The following RDX variants were observed in gnomAD, a reference collection of about 807,000 sequenced individuals.
RDX encodes radixin, also known as deafness, autosomal recessive 24.
A neutral mutation model predicts 83.7 loss-of-function variants in RDX; 32 were observed. The ratio of observed to expected loss-of-function variants is 0.38; its 90% confidence interval spans 0.29 to 0.51. RDX has a LOEUF of 0.51. Ranked by LOEUF, RDX falls within the 20% of genes least tolerant of loss-of-function variation. The pLI is 0.87. For missense variants in RDX, 600 were observed against 689.9 expected, an observed-to-expected ratio of 0.87 and a Z score of 1.46; for synonymous variants, 229 against 222.7, an observed-to-expected ratio of 1.03 and a Z score of -0.25.
intron 14 of RDX, among the ~76,000 whole-genome samples, chr11:110,205,209 T>C (rs563856180): frequency 1.3e-5 from 2 of 152,100 alleles, no homozygotes; most frequent in South Asian, 4.2e-4. Flanking sequence ...TAAAATTGGA[T>C]CCATACTTCA....
chr11:110,247,334 T>C (rs550201578), intron 10 of RDX, among the ~76,000 whole-genome samples: 386 of 152,332 alleles, frequency 2.5e-3, no homozygotes, highest in African/African-American at 9.0e-3. Flanking sequence ...GCCTTACTTA[T>C]ACAGCCATAA....
At chr11:110,258,487 CT>C (rs948665386) in intron 5 of RDX, among the ~76,000 whole-genome samples, 1 of 151,890 alleles carries the variant, frequency 6.6e-6, no homozygotes, top group Non-Finnish European at 1.5e-5. Flanking sequence ...CCAGGGATCT[CT>C]TTTTTTTACA....
chr11:110,296,562 T>TG lies in RDX; in HGVS notation c.-161dup, dbSNP rs1861477115. 6.6e-6 allele frequency: 1 copy of TG among 151,136 alleles called. No homozygotes were observed. The allele number at this position is 151,136 out of a possible 1,614,324, so 9.4% of individuals were successfully genotyped here. ...GAGGGAGAAGCGGTGGTGCGAGCGCTGGCCCGCGGGAGACGAGAGGCGCCG... is the reference window on the plus strand; with the variant it reads ...GAGGGAGAAGCGGTGGTGCGAGCGCTGGGCCCGCGGGAGACGAGAGGCGCCG... On this transcript the variant is annotated 5_prime_UTR_variant, in exon 1 of 14. Transcript: ENST00000645495.
In RDX at chr11:110,279,389, G is replaced by A. The variant is rs370615042; in HGVS notation, c.12+292C>T. The stretch of plus-strand genomic sequence containing the variant: ...AGAAATACAAAAATTAGCCGGGCAT[G>A]ATGGCAGGTGCCTGTAATCCCAGCT... On this transcript the variant is annotated intron_variant, in intron 2 of 13. Transcript: ENST00000645495. Among the ~76,000 whole-genome samples the A allele has an allele frequency of 9.2e-5, 14 of 152,300 alleles. No individual in the cohort carries two copies. The East Asian group carries it at 2.7e-3, about 29-fold the overall frequency.
intron 15 of RDX, among the ~76,000 whole-genome samples, chr11:110,199,116 G>C (rs4753879): frequency 0.39 from 59,003 of 151,836 alleles, 11,701 homozygotes; most frequent in East Asian, 0.6. Flanking sequence ...CACCAGGCCT[G>C]AATATGGATT....
At chr11:110,237,453 T>A in intron 11 of RDX, 39 bp downstream of exon 11, 1 of 1,604,504 alleles carries the variant, frequency 6.2e-7, no homozygotes, top group Non-Finnish European at 8.5e-7. Context: ...ACTCTATGCT[T>A]TTATTTAAAC....
chr11:110,216,567 G>A (rs1864062617), intron 14 of RDX, among the ~76,000 whole-genome samples: 1 of 148,364 alleles, frequency 6.7e-6, no homozygotes, highest in Admixed American at 6.8e-5. Flanking sequence ...AAATAGAGAG[G>A]AGGTCTCACT....
At chr11:110,221,675 A>G (rs1864256585) in intron 14 of RDX, among the ~76,000 whole-genome samples, 1 of 151,738 alleles carries the variant, frequency 6.6e-6, no homozygotes, top group Admixed American at 6.6e-5. Flanking sequence ...CACAAGAACA[A>G]TATCTAAAAC....
At chr11:110,267,515 AACACAC>A (rs71053877) in intron 3 of RDX, among the ~76,000 whole-genome samples, 5,672 of 131,410 alleles carry the variant, frequency 0.043, 141 homozygotes, top group African/African-American at 0.069. Context: ...TCCGTCTCAA[AACACAC>A]ACACACACAC....
chr11:110,237,430 T>G, intron 11 of RDX, 62 bp downstream of exon 11: 1 of 1,520,562 alleles, frequency 6.6e-7, no homozygotes, highest in Admixed American at 1.9e-5. Context: ...TTTTTTTCTT[T>G]TTTAGAGGGT....
At chr11:110,244,261 C>T (rs1033298626) in intron 10 of RDX, among the ~76,000 whole-genome samples, 3 of 147,208 alleles carry the variant, frequency 2.0e-5, no homozygotes, top group African/African-American at 7.5e-5. Context: ...ACTCAGGAGG[C>T]TGAGACAGAA....
chr11:110,238,127 CT>C (rs1864937559), intron 10 of RDX, among the ~76,000 whole-genome samples: 1 of 152,150 alleles, frequency 6.6e-6, no homozygotes, highest in African/African-American at 2.4e-5. Context: ...TAAGGTTTTA[CT>C]TATCTAAACT....
chr11:110,292,901 T>C (rs908305129), intron 1 of RDX, among the ~76,000 whole-genome samples: 1 of 152,198 alleles, frequency 6.6e-6, no homozygotes, highest in Admixed American at 6.5e-5. Flanking sequence ...ATTATAAACC[T>C]CCTTTTTTAA....
At chr11:110,176,817 G>A (rs967335217) in intron 15 of RDX, among the ~76,000 whole-genome samples, 1 of 152,120 alleles carries the variant, frequency 6.6e-6, no homozygotes, top group Admixed American at 6.5e-5. Flanking sequence ...GAAGGTGGTG[G>A]GTGCGTCCCC....
chr11:110,222,466 G>T (rs1383217355), intron 14 of RDX, among the ~76,000 whole-genome samples: 1 of 152,148 alleles, frequency 6.6e-6, no homozygotes, highest in African/African-American at 2.4e-5. Context: ...TTTACAAAAT[G>T]GAAGTATTAT....
chr11:110,214,234 G>GA (rs1166891980), intron 14 of RDX, among the ~76,000 whole-genome samples: 1 of 149,886 alleles, frequency 6.7e-6, no homozygotes, highest in East Asian at 2.0e-4. Context: ...AAAAACACAT[G>GA]AAAAAATGCT....
At chr11:110,259,551 G>A (rs1025334885) in intron 5 of RDX, among the ~76,000 whole-genome samples, 3 of 152,182 alleles carry the variant, frequency 2.0e-5, no homozygotes, top group Admixed American at 1.3e-4. Flanking sequence ...AGGGGTCTCA[G>A]ACATACTGTT....
At chr11:110,273,893 T>C (rs961230710) in intron 2 of RDX, among the ~76,000 whole-genome samples, 19 of 152,230 alleles carry the variant, frequency 1.2e-4, no homozygotes, top group African/African-American at 4.3e-4. Context: ...AAATTTTATA[T>C]TAATACGTAT....
intron 15 of RDX, among the ~76,000 whole-genome samples, chr11:110,193,402 A>G (rs1263992039): frequency 2.0e-5 from 3 of 151,850 alleles, no homozygotes; most frequent in Non-Finnish European, 4.4e-5. Context: ...GGGTTGAAAA[A>G]CCACCCATTG....
Sources: gnomAD v4.1 joint callset for allele counts (sites outside exome capture counted in the v4.1 genomes callset) on GRCh38, gnomAD v4.1.1 for gene constraint, MANE v1.5 for transcripts, NCBI Gene and HGNC (gene_info 2026-07-23, HGNC 2026-07-21) for gene names.